Variants in ANKRD50 observed in about 807,000 individuals in gnomAD.
ANKRD50 encodes the protein ankyrin repeat domain-containing protein 50.
Under a neutral mutation model 112.0 loss-of-function variants are expected in ANKRD50, and 40 were observed. The ratio of observed to expected loss-of-function variants is 0.36; its 90% CI spans 0.28 to 0.46. The LOEUF is 0.46. Ranked by LOEUF, ANKRD50 falls within the 20% of genes least tolerant of loss-of-function variation. The probability of loss-of-function intolerance (pLI) is 1.00; values close to 1 mark genes in which losing one functional copy is unlikely to be tolerated. For missense variants in ANKRD50, 1,487 were observed against 1,701.7 expected (o/e 0.87, Z 2.22); for synonymous variants, 613 against 619.1 (o/e 0.99, Z 0.15).
chr4:124,678,979 G>A (rs1303950444), intron 2 of ANKRD50, 74 bp from the exon 3 acceptor site: 2 of 1,072,504 alleles, frequency 1.9e-6, no homozygotes, highest in African/African-American at 1.6e-5. Flanking sequence ...TCAAACATTA[G>A]AGTATTAATT....
At chr4:124,683,015 T>C (rs943404934) in intron 2 of ANKRD50, among the ~76,000 whole-genome samples, 1 of 151,884 alleles carries the variant, frequency 6.6e-6, no homozygotes, top group African/African-American at 2.4e-5. Flanking sequence ...TTGATAGATA[T>C]TGCCAAAGTG....
intron 1 of ANKRD50, among the ~76,000 whole-genome samples, 173 bp downstream of exon 1, chr4:124,712,285 C>A (rs1725654353): frequency 6.6e-6 from 1 of 152,150 alleles, no homozygotes; most frequent in Non-Finnish European, 1.5e-5. Flanking sequence ...CCGCCCCATG[C>A]CCCGCTCCCG....
At chr4:124,668,486 C>T (rs1386585005) in intron 4 of ANKRD50, among the ~76,000 whole-genome samples, 2 of 151,982 alleles carry the variant, frequency 1.3e-5, no homozygotes, top group Admixed American at 1.3e-4. Context: ...GAGTTTGAAA[C>T]AGCCCCTCCC....
intron 2 of ANKRD50, among the ~76,000 whole-genome samples, chr4:124,704,381 C>T (rs1052017661): frequency 6.6e-6 from 1 of 152,140 alleles, no homozygotes; most frequent in Non-Finnish European, 1.5e-5. Context: ...TTCTGTTCTT[C>T]GCCTCTTTGT....
At chr4:124,684,781 A>G (rs1724970782) in intron 2 of ANKRD50, among the ~76,000 whole-genome samples, 1 of 152,196 alleles carries the variant, frequency 6.6e-6, no homozygotes, top group Non-Finnish European at 1.5e-5. Context: ...CCCCAGTACT[A>G]TTTAAAATGG....
Position 124,703,289 on chromosome 4 carries a change from T to C in ANKRD50, c.512+6711A>G, listed in dbSNP as rs891777611. Among the ~76,000 whole-genome samples the C allele has an allele frequency of 3.9e-5, 6 of 152,284 alleles. 1 individual carries two copies. In the South Asian group the frequency reaches 1.2e-3, roughly 32 times the overall value. On this transcript the variant is annotated intron_variant, in intron 2 of 4. Transcript: ENST00000504087. ...AGGCAATCATGCATAAACATCTTTC[T>C]GTAAATGTGTAGAGATGAACGTTAG...
intron 3 of ANKRD50, among the ~76,000 whole-genome samples, chr4:124,672,871 C>T (rs1439436232): frequency 1.3e-5 from 2 of 151,904 alleles, no homozygotes; most frequent in Admixed American, 1.3e-4. Flanking sequence ...ATCTGAACTC[C>T]CAAGTGATTG....
Position 124,668,995 on chromosome 4 carries a change from G to T in ANKRD50, c.4282C>A (p.Pro1428Thr). The T allele has an allele frequency of 6.2e-7, 1 of 1,602,068 alleles. No individual in the cohort carries two copies. Among genetic ancestry groups the T allele is most frequent in the Non-Finnish European group, 8.5e-7 (1 of 1,176,984 alleles). The change falls in exon 4 of 5, where the codon CCA (proline) becomes ACA (threonine). Residue 1428 changes from proline (P) to threonine (T), a missense_variant. Pro to Thr is a conservative substitution (Grantham distance 38). Around this residue, in one of 2 missense-constraint regions of ANKRD50, gnomAD observed 441 missense variants for 432.2 expected, o/e 1.02. Coordinates refer to ENST00000504087, the MANE Select transcript of ANKRD50 (RefSeq NM_020337.3). ...TGACAAAATATTACCTTTTATAATGGTGTTTCCTTTTTATAGTTGAAGCTA... is the reference window on the plus strand; with the variant it reads ...TGACAAAATATTACCTTTTATAATGTTGTTTCCTTTTTATAGTTGAAGCTA... ...DPSFNYKKET[P>T]L is the part of the protein sequence containing the mutation.
At chr4:124,697,739 A>C (rs1357160840) in intron 2 of ANKRD50, among the ~76,000 whole-genome samples, 3 of 151,742 alleles carry the variant, frequency 2.0e-5, no homozygotes, top group Non-Finnish European at 4.4e-5. Flanking sequence ...AACACTAAAT[A>C]GACTAATACG....
At position 124,710,171 on chromosome 4, in the gene ANKRD50, T is replaced by G. The variant is rs1725597140; in HGVS notation, c.341A>C (p.Lys114Thr). ...ACACAAAGTATCAGAGTCCTGGGCT[T>G]TGCAGAAATGAAAGGCCAAAGCTTG... ...HRQALAFHFCKAQDSDTLCVG... is the reference protein window; with the variant it reads ...HRQALAFHFCTAQDSDTLCVG... Residue 114 changes from lysine to threonine, a missense_variant, in exon 2 of 5, where the codon AAA becomes ACA. Coordinates refer to ENST00000504087, the MANE Select transcript of ANKRD50 (RefSeq NM_020337.3). 6.2e-7 allele frequency: 1 copy of G among 1,614,022 alleles called. No homozygotes were observed. The highest frequency in any genetic ancestry group is 8.5e-7 in the Non-Finnish European group (1 of 1,180,036).
At chr4:124,709,866 C>T in intron 2 of ANKRD50, 134 bp downstream of exon 2, 1 of 1,214,938 alleles carries the variant, frequency 8.2e-7, no homozygotes, top group Non-Finnish European at 1.1e-6. Flanking sequence ...AACAGGTATA[C>T]TCATAACTTC....
chr4:124,666,311 AAAG>A lies in ANKRD50; in HGVS notation c.*1204_*1206del, dbSNP rs1239440634. 1 of 152,458 alleles carries A rather than the reference AAAG, an allele frequency of 6.6e-6. No individual in the cohort carries two copies. The allele number at this position is 152,458 out of a possible 1,614,324, so 9.4% of individuals were successfully genotyped here. ...CCAGCCCTCCTGCATGCAATTGTAC[AAAG>A]AAGAAAACAGGAAAGAGTATGAGGA... is the stretch of plus-strand genomic sequence containing the variant. On this transcript the variant is annotated 3_prime_UTR_variant, in exon 5 of 5. Coordinates refer to ENST00000504087, the MANE Select transcript of ANKRD50 (RefSeq NM_020337.3).
At chr4:124,707,734 T>G (rs917069925) in intron 2 of ANKRD50, among the ~76,000 whole-genome samples, 1 of 152,136 alleles carries the variant, frequency 6.6e-6, no homozygotes, top group African/African-American at 2.4e-5. Flanking sequence ...TGGCTCCTTC[T>G]GTCAATCAGA....
intron 4 of ANKRD50, among the ~76,000 whole-genome samples, 178 bp from the exon 5 acceptor site, chr4:124,667,692 A>T (rs532697383): frequency 1.7e-4 from 26 of 152,032 alleles, no homozygotes; most frequent in African/African-American, 6.0e-4. Context: ...AATTCCACAA[A>T]ATGTTTACCT....
intron 3 of ANKRD50, 91 bp from the exon 4 acceptor site, chr4:124,672,625 AAATC>A (rs1578573288): frequency 1.2e-6 from 1 of 860,738 alleles, no homozygotes; most frequent in South Asian, 1.9e-5. Context: ...TATAATAAAT[AAATC>A]AATTAATAAA....
chr4:124,678,896 T>C lies in ANKRD50; in HGVS notation c.522A>G (p.Leu174=), dbSNP rs150141285. ...NPAEAFKRCV[L]LPLLGMKPPQ... is the part of the protein sequence containing the mutation. ...GAGGCTTCATTCCCAGAAGAGGGAG[T>C]AGAACACACCTGTAAAACACATACA... The change falls in exon 3 of 5, where the codon CTA becomes CTG. Residue 174 remains leucine (L), a synonymous_variant. Coordinates refer to ENST00000504087, the MANE Select transcript of ANKRD50 (RefSeq NM_020337.3). 1 of 1,608,580 alleles carries C rather than the reference T, an allele frequency of 6.2e-7. No homozygotes were observed. Among genetic ancestry groups the C allele is most frequent in the Non-Finnish European group, 8.5e-7 (1 of 1,175,272 alleles).
At position 124,678,796 on chromosome 4, in the gene ANKRD50, T is replaced by C; in HGVS notation, c.622A>G (p.Thr208Ala). The change falls in exon 3 of 5, where the codon ACC (threonine) becomes GCC (alanine). Residue 208 changes from threonine (T) to alanine (A), a missense_variant. This residue lies in a region of ANKRD50 where 1,046 missense variants were observed against 1,269.5 expected (regional missense o/e 0.82). Transcript: ENST00000504087. ...GCTGCAACAGTCCCAGATAAGCTGGTAGACGTTTGTTCACCTTCAGTAATG... is the reference window on the plus strand; with the variant it reads ...GCTGCAACAGTCCCAGATAAGCTGGCAGACGTTTGTTCACCTTCAGTAATG... Reference protein sequence around the residue: ...CNITEGEQTSTSLSGTVAALL... With the variant: ...CNITEGEQTSASLSGTVAALL... 1 of 1,613,904 alleles carries C rather than the reference T, an allele frequency of 6.2e-7. No individual in the cohort carries two copies. Among genetic ancestry groups the C allele is most frequent in the Non-Finnish European group, 8.5e-7 (1 of 1,179,838 alleles).
intron 2 of ANKRD50, among the ~76,000 whole-genome samples, chr4:124,702,985 T>C (rs1481246987): frequency 6.6e-6 from 1 of 152,014 alleles, no homozygotes; most frequent in Non-Finnish European, 1.5e-5. Flanking sequence ...GATAAGGCTG[T>C]TGATGCAGAT....
Position 124,669,364 on chromosome 4 carries a change from C to G in ANKRD50, c.3913G>C (p.Asp1305His). The change falls in exon 4 of 5, where the codon GAT (aspartate) becomes CAT (histidine). Residue 1305 changes from aspartate to histidine, a missense_variant. This residue lies in a region of ANKRD50 where 441 missense variants were observed against 432.2 expected (regional missense o/e 1.02). Transcript: ENST00000504087. ...GATTTGGCTATAGGTCCTCTTCTATCAAACTGAGTCATTTCATATTCTAAA... is the reference window on the plus strand; with the variant it reads ...GATTTGGCTATAGGTCCTCTTCTATGAAACTGAGTCATTTCATATTCTAAA... The part of the protein sequence containing the change: ...KVLEYEMTQF[D>H]RRGPIAKSGT... 6.2e-7 allele frequency: 1 copy of G among 1,613,594 alleles called. No homozygotes were observed. The highest frequency in any genetic ancestry group is 1.7e-5 in the Admixed American group (1 of 59,942).
Sources: allele counts gnomAD v4.1 joint callset (sites outside exome capture counted in the v4.1 genomes callset), GRCh38; gene constraint gnomAD v4.1.1; regional missense constraint gnomAD v4.1.1; transcripts MANE v1.5; gene names NCBI Gene and HGNC (gene_info 2026-07-23, HGNC 2026-07-21).